Variants in BRD10 observed in about 807,000 individuals in gnomAD.
BRD10 encodes the protein uncharacterized bromodomain-containing protein 10.
At chr9:5,951,464 G>C in the BRD10 span, among the ~76,000 whole-genome samples, 2 of 151,986 alleles carry the variant, frequency 1.3e-5, no homozygotes. Context: ...TCCAAAAACA[G>C]GTTCATTATT....
At chr9:5,979,667 A>C in the BRD10 span, among the ~76,000 whole-genome samples, 1 of 152,190 alleles carries the variant, frequency 6.6e-6, no homozygotes, top group Non-Finnish European at 1.5e-5. Flanking sequence ...AGATTAATAG[A>C]AATTTACTTG....
the BRD10 span, among the ~76,000 whole-genome samples, chr9:5,916,126 T>C: frequency 6.6e-6 from 1 of 152,206 alleles, no homozygotes; most frequent in African/African-American, 2.4e-5. Context: ...CTGGGGCAGA[T>C]GACAACATTA....
At chr9:5,953,738 T>C in the BRD10 span, among the ~76,000 whole-genome samples, 1 of 151,540 alleles carries the variant, frequency 6.6e-6, no homozygotes, top group Non-Finnish European at 1.5e-5. Flanking sequence ...ATATATATTA[T>C]TTCTATTAAA....
chr9:5,973,551 G>A, the BRD10 span, among the ~76,000 whole-genome samples: 1 of 152,100 alleles, frequency 6.6e-6, no homozygotes, highest in Non-Finnish European at 1.5e-5. Context: ...AAACTGAAAA[G>A]GAAGAGACAG....
the BRD10 span, among the ~76,000 whole-genome samples, chr9:5,977,822 G>A: frequency 2.0e-5 from 3 of 152,212 alleles, no homozygotes; most frequent in South Asian, 2.1e-4. Flanking sequence ...GCAACAGAGC[G>A]AGACTCCGTC....
chr9:5,907,901 C>T, the BRD10 span, among the ~76,000 whole-genome samples: 25 of 152,178 alleles, frequency 1.6e-4, no homozygotes, highest in Non-Finnish European at 3.2e-4. Flanking sequence ...TGCAGTGAGC[C>T]GAGATAGTGC....
chr9:5,947,065 T>C, the BRD10 span, among the ~76,000 whole-genome samples: 1 of 152,106 alleles, frequency 6.6e-6, no homozygotes, highest in African/African-American at 2.4e-5. Context: ...TCAACAGATA[T>C]TTATGTTCCA....
the BRD10 span, among the ~76,000 whole-genome samples, chr9:5,999,630 C>T: frequency 2.6e-5 from 4 of 152,088 alleles, no homozygotes; most frequent in African/African-American, 4.8e-5. Context: ...CTCACCGTCA[C>T]ACCTGTCACT....
chr9:5,943,781 G>A, the BRD10 span, among the ~76,000 whole-genome samples: 2 of 152,030 alleles, frequency 1.3e-5, no homozygotes, highest in Non-Finnish European at 2.9e-5. Flanking sequence ...TGAACATAAT[G>A]TTTTCTTGCT....
chr9:6,007,948 G>A, the BRD10 span: 32 of 1,312,560 alleles, frequency 2.4e-5, no homozygotes, highest in Middle Eastern at 5.7e-4. Context: ...GCGCGCGGGG[G>A]TCTTGAGCTC....
the BRD10 span, among the ~76,000 whole-genome samples, chr9:5,989,856 T>C: frequency 1.3e-5 from 2 of 152,178 alleles, no homozygotes; most frequent in Non-Finnish European, 2.9e-5. Context: ...ACATAAAATA[T>C]AATAATTGAA....
chr9:5,990,308 T>C, the BRD10 span, among the ~76,000 whole-genome samples: 1 of 152,246 alleles, frequency 6.6e-6, no homozygotes. Flanking sequence ...TAATTTTAAC[T>C]ACTTCTTCAA....
the BRD10 span, chr9:6,007,597 ACCATCGCCT>A: frequency 6.2e-7 from 1 of 1,606,358 alleles, no homozygotes; most frequent in Non-Finnish European, 8.5e-7. Context: ...GCCTCCGATC[ACCATCGCCT>A]CCATCTCTTC....
chr9:5,897,894 A>T, the BRD10 span, among the ~76,000 whole-genome samples: 2 of 152,204 alleles, frequency 1.3e-5, no homozygotes, highest in Non-Finnish European at 2.9e-5. Flanking sequence ...ATAATACGAG[A>T]GACTGTAATT....
chr9:5,942,782 G>A, the BRD10 span, among the ~76,000 whole-genome samples: 1 of 152,160 alleles, frequency 6.6e-6, no homozygotes, highest in African/African-American at 2.4e-5. Flanking sequence ...AAAGTTTAGA[G>A]ATACAAATCA....
chr9:6,008,353 C>G, the BRD10 span: 10 of 983,464 alleles, frequency 1.0e-5, no homozygotes, highest in Admixed American at 6.1e-5. Context: ...AGAAGCCCCG[C>G]TGGGCGGTGA....
chr9:5,976,748 G>C, the BRD10 span, among the ~76,000 whole-genome samples: 4 of 150,572 alleles, frequency 2.7e-5, no homozygotes, highest in African/African-American at 9.8e-5. Flanking sequence ...GATGTGAAGA[G>C]TCAACACTAA....
the BRD10 span, among the ~76,000 whole-genome samples, chr9:5,931,609 T>A: frequency 2.0e-5 from 3 of 152,172 alleles, no homozygotes; most frequent in East Asian, 5.8e-4. Flanking sequence ...TTCTTCTCTT[T>A]CTTTATGTAT....
At chr9:5,897,469 C>T in the BRD10 span, 1 of 1,245,118 alleles carries the variant, frequency 8.0e-7, no homozygotes, top group Non-Finnish European at 1.2e-6. Flanking sequence ...CGTCAAAGTC[C>T]ATATGAAGAG....
Sources: allele counts gnomAD v4.1 joint callset (sites outside exome capture counted in the v4.1 genomes callset), GRCh38; gene constraint gnomAD v4.1.1; transcripts MANE v1.5; gene names NCBI Gene and HGNC (gene_info 2026-07-23, HGNC 2026-07-21).